CDC7: variants seen among roughly 807,000 people sequenced by gnomAD.
CDC7 encodes cell division cycle 7.
Under a neutral mutation model 53.5 loss-of-function variants are expected in CDC7, and 34 were observed. The observed-to-expected ratio is 0.64, with a 90% CI of 0.48 to 0.85. The LOEUF is 0.85. Among genes scored for constraint, CDC7 ranks in the 40% least tolerant of loss-of-function variants. CDC7 has a pLI of 0.00. For missense variants in CDC7, 594 were observed against 679.7 expected (o/e 0.87, Z 1.40); for synonymous variants, 211 against 222.8 (o/e 0.95, Z 0.47).
In CDC7 at chr1:91,513,960, G is replaced by C; in HGVS notation, c.835G>C (p.Gly279Arg). 1 of 1,610,670 alleles carries C rather than the reference G, an allele frequency of 6.2e-7. No individual in the cohort carries two copies. ...GTTGGTATTGTAGGAGGGATCTGTA[G>C]GCCTTTCTGTCCAGCGCTCTGTTTT... is the stretch of plus-strand genomic sequence containing the variant. ...QGKDGKEGSVGLSVQRSVFGE... is the reference protein window; with the variant it reads ...QGKDGKEGSVRLSVQRSVFGE... Residue 279 changes from glycine (G) to arginine (R), a missense_variant, in exon 8 of 12, where the codon GGC becomes CGC. Gly to Arg is a moderately radical substitution (Grantham distance 125, BLOSUM62 -2). Coordinates refer to ENST00000234626, the MANE Select transcript of CDC7 (RefSeq NM_003503.4).
intron 7 of CDC7, among the ~76,000 whole-genome samples, chr1:91,513,576 T>C (rs928373550): frequency 6.6e-6 from 1 of 152,218 alleles, no homozygotes; most frequent in African/African-American, 2.4e-5. Flanking sequence ...ATGGAAAATA[T>C]TAAATTTTCC....
At chr1:91,504,376 T>A in intron 2 of CDC7, among the ~76,000 whole-genome samples, 1 of 152,198 alleles carries the variant, frequency 6.6e-6, no homozygotes, top group East Asian at 1.9e-4. Flanking sequence ...CCCAATGCAC[T>A]GGGATTACAG....
intron 4 of CDC7, among the ~76,000 whole-genome samples, chr1:91,509,589 A>T (rs1667169089): frequency 6.6e-6 from 1 of 152,154 alleles, no homozygotes; most frequent in Non-Finnish European, 1.5e-5. Flanking sequence ...ACTACCTCAG[A>T]TGAAGCCTAG....
chr1:91,514,078 C>A, intron 8 of CDC7, 35 bp downstream of exon 8: 2 of 1,302,284 alleles, frequency 1.5e-6, no homozygotes, highest in South Asian at 1.2e-5. Flanking sequence ...AATGGTCAGT[C>A]AGTCATACAC....
Position 91,514,809 on chromosome 1 carries a change from TC to T in CDC7, c.919-9del. On this transcript the variant is annotated splice_polypyrimidine_tract_variant and intron_variant, in intron 8 of 11. Transcript: ENST00000234626. ...CATGAAAATAGAAAAATGAGACTTTTCTTTTACAGCTCATGAAGCAGTCAAA... is the reference window on the plus strand; with the variant it reads ...CATGAAAATAGAAAAATGAGACTTTTTTTTACAGCTCATGAAGCAGTCAAA... The T allele has an allele frequency of 6.4e-7, 1 of 1,551,528 alleles. No individual in the cohort carries two copies. Among genetic ancestry groups the T allele is most frequent in the Middle Eastern group, 1.7e-4 (1 of 5,782 alleles).
rs768268142 is a variant in CDC7, at chr1:91,524,158, C to T, written c.1448C>T (p.Ala483Val). 1 of 1,614,026 alleles carries T rather than the reference C, an allele frequency of 6.2e-7. No homozygotes were observed. The highest frequency in any genetic ancestry group is 8.5e-7 in the Non-Finnish European group (1 of 1,179,950). Residue 483 changes from alanine to valine, a missense_variant, in exon 12 of 12, where the codon GCT becomes GTT. Transcript: ENST00000234626. ...TTAACAAGTGATATACAAGGGCATG[C>T]TTCTCATCAACCAGCTATTTCAGAG... The part of the protein sequence containing the change: ...PKLTSDIQGH[A>V]SHQPAISEKT...
chr1:91,511,575 T>C (rs1667288394), intron 4 of CDC7, 22 bp from the exon 5 acceptor site: 4 of 1,480,076 alleles, frequency 2.7e-6, no homozygotes, highest in Admixed American at 1.8e-5. Context: ...TTCTAAAAGT[T>C]CCTTGTGCAT....
intron 4 of CDC7, among the ~76,000 whole-genome samples, chr1:91,509,683 T>C (rs1667175693): frequency 6.6e-6 from 1 of 152,170 alleles, no homozygotes; most frequent in Non-Finnish European, 1.5e-5. Flanking sequence ...ATATAAAATA[T>C]ATATGTATAT....
intron 2 of CDC7, among the ~76,000 whole-genome samples, chr1:91,506,825 C>T (rs1167757635): frequency 1.3e-5 from 2 of 152,076 alleles, no homozygotes; most frequent in African/African-American, 4.8e-5. Context: ...TGTTGCGTGC[C>T]TGTAATTCCA....
intron 2 of CDC7, among the ~76,000 whole-genome samples, chr1:91,506,193 T>G (rs1666979174): frequency 6.6e-6 from 1 of 152,020 alleles, no homozygotes; most frequent in Non-Finnish European, 1.5e-5. Flanking sequence ...TTGTTTGTTT[T>G]TTAGCTTTTT....
chr1:91,509,688 G>A (rs1280898571), intron 4 of CDC7, among the ~76,000 whole-genome samples: 4 of 151,956 alleles, frequency 2.6e-5, no homozygotes, highest in Non-Finnish European at 5.9e-5. Flanking sequence ...AAATATATAT[G>A]TATATAACTT....
rs55787737 is a variant in CDC7, at chr1:91,518,093, CAAAAAA to C, written c.1181-2019_1181-2014del. The stretch of plus-strand genomic sequence containing the variant: ...TGAGCAACAGAGTGAGACTCAGTCT[CAAAAAA>C]AAAAAAAAAAAAAAAAAGGTGATAC... On this transcript the variant is annotated intron_variant, in intron 10 of 11. Coordinates refer to ENST00000234626, the MANE Select transcript of CDC7 (RefSeq NM_003503.4). 2.8e-4 allele frequency among the ~76,000 whole-genome samples: 13 copies of C among 46,028 alleles called. 1 individual carries two copies. Among genetic ancestry groups the C allele is most frequent in the African/African-American group, 4.4e-4 (5 of 11,286 alleles). 30.2% of individuals were successfully genotyped at this position (46,028 alleles called of 152,430 possible). A position where few individuals can be genotyped will look rare whatever the true frequency, so the allele number is the denominator to read the frequency against.
rs1321731775 is a variant in CDC7, at chr1:91,524,704, A to C, written c.*269A>C. 5.9e-6 allele frequency: 2 copies of C among 338,750 alleles called. No individual in the cohort carries two copies. The highest frequency in any genetic ancestry group is 8.7e-5 in the Admixed American group (2 of 22,930). The allele number at this position is 338,750 out of a possible 1,614,324, so 21.0% of individuals were successfully genotyped here. A position where few individuals can be genotyped will look rare whatever the true frequency, so the allele number is the denominator to read the frequency against. On this transcript the variant is annotated 3_prime_UTR_variant, in exon 12 of 12. Coordinates refer to ENST00000234626, the MANE Select transcript of CDC7 (RefSeq NM_003503.4). ...ATTAGGTCAGATTTTTAGCTTCCCT[A>C]ATTACCTTTCACTGACATATACAGA...
chr1:91,511,727 A>G (rs1453801609), intron 5 of CDC7, 37 bp downstream of exon 5: 4 of 1,594,834 alleles, frequency 2.5e-6, no homozygotes, highest in East Asian at 4.5e-5. Flanking sequence ...TATTAGCTAA[A>G]TATTTAATTG....
chr1:91,519,018 A>G (rs1305888068), intron 10 of CDC7, among the ~76,000 whole-genome samples: 4 of 149,936 alleles, frequency 2.7e-5, no homozygotes, highest in Non-Finnish European at 5.9e-5. Flanking sequence ...CCGAGATCAC[A>G]CTACCACACT....
chr1:91,504,621 TTGC>T (rs1666886668), intron 2 of CDC7, among the ~76,000 whole-genome samples: 1 of 152,200 alleles, frequency 6.6e-6, no homozygotes, highest in African/African-American at 2.4e-5. Flanking sequence ...CCATCTTTGT[TTGC>T]CTGGGACAGA....
chr1:91,520,283 A>G lies in CDC7; in HGVS notation c.1330+4A>G. On this transcript the variant is annotated splice_donor_region_variant and intron_variant, in intron 11 of 11. Coordinates refer to ENST00000234626, the MANE Select transcript of CDC7 (RefSeq NM_003503.4). ...ATCCAAGCTGCTAAAACTTTTGGTA[A>G]GCAGTTTTGTATTATAGAACCAAAC... The G allele has an allele frequency of 6.3e-7, 1 of 1,588,296 alleles. No individual in the cohort carries two copies.
chr1:91,521,009 C>T (rs1019100823), intron 11 of CDC7, among the ~76,000 whole-genome samples: 1 of 152,104 alleles, frequency 6.6e-6, no homozygotes, highest in Non-Finnish European at 1.5e-5. Context: ...GTTTATTTTC[C>T]ACGCTCAGTT....
chr1:91,507,703 A>G (rs1667065708), intron 2 of CDC7, 151 bp from the exon 3 acceptor site: 1 of 555,890 alleles, frequency 1.8e-6, no homozygotes. Context: ...TAGCAACTTG[A>G]TGGGTTTTAA....
Sources: allele counts gnomAD v4.1 joint callset (sites outside exome capture counted in the v4.1 genomes callset), GRCh38; gene constraint gnomAD v4.1.1; transcripts MANE v1.5; gene names NCBI Gene and HGNC (gene_info 2026-07-23, HGNC 2026-07-21).